TRPC4: variants seen among roughly 807,000 people sequenced by gnomAD.
TRPC4 encodes short transient receptor potential channel 4.
Under a neutral mutation model 99.4 loss-of-function variants are expected in TRPC4, and 49 were observed. The ratio of observed to expected loss-of-function variants is 0.49; its 90% CI spans 0.39 to 0.63. TRPC4 has a LOEUF of 0.63. TRPC4 is among the 20% of genes least tolerant of loss of function. TRPC4 has a pLI of 0.00. For missense variants in TRPC4, 898 were observed against 1,152.9 expected, an observed-to-expected ratio of 0.78 and a Z score of 3.20; for synonymous variants, 454 against 425.9, an observed-to-expected ratio of 1.07 and a Z score of -0.81.
intron 8 of TRPC4, among the ~76,000 whole-genome samples, chr13:37,639,649 A>G (rs1452611546): frequency 1.3e-5 from 2 of 151,882 alleles, no homozygotes; most frequent in African/African-American, 4.8e-5. Flanking sequence ...TAAAAATTTA[A>G]AAGTTTTCAT....
rs1292016403 is a variant in TRPC4, at chr13:37,637,057, A to G, written c.2780T>C (p.Val927Ala). Residue 927 changes from valine (V) to alanine (A), a missense_variant, in exon 11 of 11, where the codon GTG becomes GCG. By Grantham distance (64) the Val-to-Ala change is moderately conservative. Around this residue, in one of 3 missense-constraint regions of TRPC4, gnomAD observed 346 missense variants for 351.4 expected, o/e 0.98. Coordinates refer to ENST00000379705, the MANE Select transcript of TRPC4 (RefSeq NM_016179.4). ...DTLGLQVGKR[V>A]CPFKSEKVVV... ...CACCTTCTCTGACTTGAATGGACAC[A>G]CTCTCTTTCCTACCTGTAACCCCAG... The G allele has an allele frequency of 6.2e-7, 1 of 1,613,514 alleles. No individual in the cohort carries two copies. Among genetic ancestry groups the G allele is most frequent in the Non-Finnish European group, 8.5e-7 (1 of 1,179,746 alleles).
chr13:37,746,004 A>G lies in TRPC4; in HGVS notation c.830T>C (p.Leu277Pro), dbSNP rs1239748923. 22 of 1,613,704 alleles carry G rather than the reference A, an allele frequency of 1.4e-5. No homozygotes were observed. Among genetic ancestry groups the G allele is most frequent in the Non-Finnish European group, 1.8e-5 (21 of 1,179,842 alleles). Residue 277 changes from leucine (L) to proline (P), a missense_variant, in exon 3 of 11, where the codon CTC becomes CCC. Physicochemically the swap from Leu to Pro is moderately conservative, Grantham distance 98. Transcript: ENST00000379705. ...IILNYRDDNS[L>P]IEEQSGNDLA... Reference sequence around the variant, plus strand: ...ATCATTTCCACTTTGTTCTTCTATGAGACTATTGTCATCTCGGTAATTAAG... The same window carrying G: ...ATCATTTCCACTTTGTTCTTCTATGGGACTATTGTCATCTCGGTAATTAAG...
At chr13:37,686,454 T>C (rs1953485129) in intron 4 of TRPC4, among the ~76,000 whole-genome samples, 1 of 151,976 alleles carries the variant, frequency 6.6e-6, no homozygotes, top group Admixed American at 6.6e-5. Flanking sequence ...CACACACATA[T>C]ATATACATAT....
At chr13:37,669,239 C>A (rs985210689) in intron 5 of TRPC4, among the ~76,000 whole-genome samples, 1 of 152,040 alleles carries the variant, frequency 6.6e-6, no homozygotes, top group Non-Finnish European at 1.5e-5. Flanking sequence ...ATCATTTCTG[C>A]CAAACTGTTG....
intron 8 of TRPC4, among the ~76,000 whole-genome samples, chr13:37,649,298 T>C (rs1256253781): frequency 6.6e-6 from 1 of 152,160 alleles, no homozygotes; most frequent in Non-Finnish European, 1.5e-5. Context: ...ATATACTACA[T>C]AACATATCTG....
intron 5 of TRPC4, among the ~76,000 whole-genome samples, chr13:37,671,792 C>T (rs1952853304): frequency 6.6e-6 from 1 of 152,154 alleles, no homozygotes; most frequent in Non-Finnish European, 1.5e-5. Flanking sequence ...CTCCACAGTG[C>T]ATGCCAATGA....
intron 1 of TRPC4, among the ~76,000 whole-genome samples, chr13:37,856,423 C>A (rs1959175002): frequency 6.7e-6 from 1 of 148,982 alleles, no homozygotes; most frequent in South Asian, 2.1e-4. Context: ...GGATCTGATG[C>A]CTTCGCTGTT....
At chr13:37,776,569 G>C (rs1321435859) in intron 2 of TRPC4, among the ~76,000 whole-genome samples, 1 of 151,872 alleles carries the variant, frequency 6.6e-6, no homozygotes, top group Middle Eastern at 3.4e-3. Flanking sequence ...CTCAAACAGG[G>C]TATAATAAAA....
chr13:37,760,566 A>G (rs1039214015), intron 2 of TRPC4, among the ~76,000 whole-genome samples: 17 of 151,882 alleles, frequency 1.1e-4, no homozygotes, highest in South Asian at 2.1e-4. Flanking sequence ...CTTATTTCCC[A>G]TCAAAGGCTC....
At chr13:37,766,943 T>C (rs1448584616) in intron 2 of TRPC4, among the ~76,000 whole-genome samples, 3 of 151,360 alleles carry the variant, frequency 2.0e-5, no homozygotes, top group African/African-American at 7.3e-5. Flanking sequence ...CAGAAAATGG[T>C]TGTGATTGTT....
Position 37,692,043 on chromosome 13 carries a change from G to T in TRPC4, c.1190C>A (p.Pro397Gln). 6.2e-7 allele frequency: 1 copy of T among 1,613,372 alleles called. No homozygotes were observed. Among genetic ancestry groups the T allele is most frequent in the Non-Finnish European group, 8.5e-7 (1 of 1,179,592 alleles). The change falls in exon 4 of 11, where the codon CCA (proline) becomes CAA (glutamine). Residue 397 changes from proline (P) to glutamine (Q), a missense_variant. By Grantham distance (76) the Pro-to-Gln change is moderately conservative (BLOSUM62 -1). This residue lies in a region of TRPC4 where 274 missense variants were observed against 454.9 expected (regional missense o/e 0.60). Transcript: ENST00000379705. ...IDRSDLNRQG[P>Q]PPTIVEWMIL... The stretch of plus-strand genomic sequence containing the variant: ...CATCCACTCGACGATGGTTGGTGGT[G>T]GACCTTGCCTGTTCAAGTCTGACCT...
chr13:37,815,177 C>T (rs1018042963), intron 1 of TRPC4, among the ~76,000 whole-genome samples: 1 of 151,576 alleles, frequency 6.6e-6, no homozygotes, highest in African/African-American at 2.4e-5. Flanking sequence ...AAATTCAATT[C>T]AAAAAGGATC....
intron 1 of TRPC4, among the ~76,000 whole-genome samples, chr13:37,868,549 T>TG: frequency 1.3e-5 from 2 of 152,298 alleles, no homozygotes; most frequent in South Asian, 4.1e-4. Context: ...GCTGTGATTA[T>TG]GTACTGTGAA....
intron 1 of TRPC4, among the ~76,000 whole-genome samples, chr13:37,785,344 T>C (rs1316868175): frequency 6.6e-6 from 1 of 152,104 alleles, no homozygotes; most frequent in East Asian, 1.9e-4. Flanking sequence ...ATCAATGCCA[T>C]GACCTTCACA....
At chr13:37,654,123 T>C (rs1952141232) in intron 7 of TRPC4, among the ~76,000 whole-genome samples, 1 of 152,118 alleles carries the variant, frequency 6.6e-6, no homozygotes, top group East Asian at 1.9e-4. Flanking sequence ...TCATCAGTGA[T>C]GAGTGTCTTA....
intron 1 of TRPC4, among the ~76,000 whole-genome samples, chr13:37,847,044 C>T (rs1958925745): frequency 6.6e-6 from 1 of 151,766 alleles, no homozygotes; most frequent in Non-Finnish European, 1.5e-5. Context: ...CATCTGAGAA[C>T]ATAAATACAT....
intron 3 of TRPC4, among the ~76,000 whole-genome samples, chr13:37,721,677 C>T (rs1384709784): frequency 1.3e-5 from 2 of 152,078 alleles, no homozygotes; most frequent in Non-Finnish European, 2.9e-5. Context: ...TTATAAATAA[C>T]TTAGAATACA....
At chr13:37,763,708 C>A (rs748140954) in intron 2 of TRPC4, among the ~76,000 whole-genome samples, 1 of 151,718 alleles carries the variant, frequency 6.6e-6, no homozygotes, top group Non-Finnish European at 1.5e-5. Flanking sequence ...GTGAGGCAAA[C>A]TTGTCTTCAG....
At position 37,663,571 on chromosome 13, in the gene TRPC4, T is replaced by C; in HGVS notation, c.1533A>G (p.Arg511=). Reference sequence around the variant, plus strand: ...GAAACTTCAAAATGTCCAGGAGCATTCTTCCCAGAGATATTTGCAGAGGTC... The same window carrying C: ...GAAACTTCAAAATGTCCAGGAGCATCCTTCCCAGAGATATTTGCAGAGGTC... ...HLGPLQISLG[R]MLLDILKFLF... is the part of the protein sequence containing the mutation. Residue 511 remains arginine (R), a synonymous_variant, in exon 6 of 11, where the codon AGA becomes AGG. Transcript: ENST00000379705. The C allele has an allele frequency of 1.2e-6, 2 of 1,614,174 alleles. No homozygotes were observed. Among genetic ancestry groups the C allele is most frequent in the East Asian group, 4.5e-5 (2 of 44,870 alleles).
Sources: gnomAD v4.1 joint callset for allele counts (sites outside exome capture counted in the v4.1 genomes callset) on GRCh38, gnomAD v4.1.1 for gene constraint, gnomAD v4.1.1 regional missense constraint, MANE v1.5 for transcripts, NCBI Gene and HGNC (gene_info 2026-07-23, HGNC 2026-07-21) for gene names.